The following UNC13B variants were observed in gnomAD, a reference collection of about 807,000 sequenced individuals.
UNC13B encodes unc-13 homolog B, also known as protein unc-13 homolog B.
Under a neutral mutation model 211.0 loss-of-function variants are expected in UNC13B, and 144 were observed. The observed-to-expected ratio is 0.68, with a 90% CI of 0.60 to 0.78. The LOEUF (loss-of-function observed/expected upper bound fraction) is 0.78. UNC13B is among the 30% of genes least tolerant of loss of function. The pLI, the probability that UNC13B is intolerant of heterozygous loss-of-function variation, is 0.00. For synonymous variants in UNC13B, 709 were observed against 725.8 expected, an observed-to-expected ratio of 0.98 and a Z score of 0.37; for missense variants, 1,777 against 2,002.0, an observed-to-expected ratio of 0.89 and a Z score of 2.14.
intron 3 of UNC13B, among the ~76,000 whole-genome samples, chr9:35,232,310 A>G (rs1230151187): frequency 6.7e-6 from 1 of 149,910 alleles, no homozygotes; most frequent in African/African-American, 2.5e-5. Flanking sequence ...CCTCCTGAGT[A>G]ATGGAAACTA....
At chr9:35,202,886 A>C (rs1823398811) in intron 1 of UNC13B, among the ~76,000 whole-genome samples, 1 of 148,960 alleles carries the variant, frequency 6.7e-6, no homozygotes, top group Non-Finnish European at 1.5e-5. Context: ...TCTGCCTCCC[A>C]GGTTCACGCC....
chr9:35,360,185 A>G (rs558931781), intron 11 of UNC13B, among the ~76,000 whole-genome samples: 2 of 152,314 alleles, frequency 1.3e-5, no homozygotes, highest in Admixed American at 6.5e-5. Context: ...TGGATTTTTA[A>G]TAACAACTCT....
chr9:35,389,951 T>C lies in UNC13B; in HGVS notation c.11200T>C (p.Ser3734Pro), dbSNP rs1319494357. 3 of 1,614,036 alleles carry C rather than the reference T, an allele frequency of 1.9e-6. No homozygotes were observed. Among genetic ancestry groups the C allele is most frequent in the Non-Finnish European group, 2.5e-6 (3 of 1,179,970 alleles). ...IVSIIEEDKNSYTPVLNQFPQ... is the reference protein window; with the variant it reads ...IVSIIEEDKNPYTPVLNQFPQ... ...GTCAATCATAGAGGAAGATAAGAAT[T>C]CCTACACACCTGTTCTGAACCAGTG... is the stretch of plus-strand genomic sequence containing the variant. The change falls in exon 25 of 40, where the codon TCC (serine) becomes CCC (proline). Residue 3734 changes from serine to proline, a missense_variant. Ser to Pro is a moderately conservative substitution (Grantham distance 74, BLOSUM62 -1). Coordinates refer to ENST00000635942, the MANE Select transcript of UNC13B (RefSeq NM_001371189.2).
In UNC13B at chr9:35,384,308, A is replaced by C. The variant is rs1416185999; in HGVS notation, c.10869A>C (p.Thr3623=). ...ACTCACTGAGGATCGACCTCTCTACATACAGGGTGAGTGAAGACACGGCTG... is the reference window on the plus strand; with the variant it reads ...ACTCACTGAGGATCGACCTCTCTACCTACAGGGTGAGTGAAGACACGGCTG... ...LHNSLRIDLS[T]YRNNFPAGSP... The change falls in exon 22 of 40, where the codon ACA becomes ACC. Residue 3623 remains threonine, a synonymous_variant. Coordinates refer to ENST00000635942, the MANE Select transcript of UNC13B (RefSeq NM_001371189.2). 6.2e-7 allele frequency: 1 copy of C among 1,613,752 alleles called. No homozygotes were observed. Among genetic ancestry groups the C allele is most frequent in the South Asian group, 1.1e-5 (1 of 91,048 alleles).
In UNC13B at chr9:35,304,515, C is replaced by T; in HGVS notation, c.5111C>T (p.Pro1704Leu). Residue 1704 changes from proline (P) to leucine (L), a missense_variant, in exon 9 of 40, where the codon CCT (proline) becomes CTT (leucine). Transcript: ENST00000635942. ...DQIIERDKNQ[P>L]LAEDSSVHLS... ...ATTATAGAGAGAGATAAAAACCAGC[C>T]TCTAGCTGAAGATTCATCAGTTCAC... 1 of 398,672 alleles carries T rather than the reference C, an allele frequency of 2.5e-6. No homozygotes were observed. 24.7% of individuals were successfully genotyped at this position (398,672 alleles called of 1,614,324 possible). A position where few individuals can be genotyped will look rare whatever the true frequency, so the allele number is the denominator to read the frequency against.
Position 35,173,636 on chromosome 9 carries a change from CTGGTCTCAAA to C in UNC13B, c.22+11332_22+11341del, listed in dbSNP as rs1821452222. On this transcript the variant is annotated intron_variant, in intron 1 of 39. Coordinates refer to ENST00000635942, the MANE Select transcript of UNC13B (RefSeq NM_001371189.2). ...ATGGGGTTTCACCGTGTTGCCCAGG[CTGGTCTCAAA>C]CTCTTGAGCTCATGTAATCCGCCCG... is the stretch of plus-strand genomic sequence containing the variant. 3.9e-5 allele frequency among the ~76,000 whole-genome samples: 6 copies of C among 152,174 alleles called. No individual in the cohort carries two copies. In the South Asian group the frequency reaches 1.2e-3, roughly 32 times the overall value.
At chr9:35,180,994 T>C (rs1396704813) in intron 1 of UNC13B, among the ~76,000 whole-genome samples, 9 of 151,866 alleles carry the variant, frequency 5.9e-5, no homozygotes, top group Admixed American at 2.6e-4. Flanking sequence ...CTCAGGAGGC[T>C]GACTGAGATG....
At chr9:35,183,283 T>C (rs7854347) in intron 1 of UNC13B, among the ~76,000 whole-genome samples, 77,129 of 80,616 alleles carry the variant, frequency 0.96, 36,958 homozygotes, top group East Asian at 0.98. Context: ...CCAGGCGGGG[T>C]GGCCGGGCAG....
intron 6 of UNC13B, among the ~76,000 whole-genome samples, chr9:35,248,399 T>G (rs960820010): frequency 6.6e-6 from 1 of 152,224 alleles, no homozygotes; most frequent in Non-Finnish European, 1.5e-5. Flanking sequence ...TTCTGCTAGC[T>G]TTTGAATGTG....
Position 35,162,117 on chromosome 9 carries a change from T to C in UNC13B, c.-167T>C, listed in dbSNP as rs1820808139. 9.6e-7 allele frequency: 1 copy of C among 1,042,880 alleles called. No homozygotes were observed. The highest frequency in any genetic ancestry group is 1.4e-6 in the Non-Finnish European group (1 of 713,970). The allele number at this position is 1,042,880 out of a possible 1,614,324, so 64.6% of individuals were successfully genotyped here. On this transcript the variant is annotated 5_prime_UTR_variant, in exon 1 of 40. Coordinates refer to ENST00000635942, the MANE Select transcript of UNC13B (RefSeq NM_001371189.2). ...CCGGAGTTCGCTCAGACGGTGAGATTTGGGGCGGGTCCGAGGCAGCGGCGG... is the reference window on the plus strand; with the variant it reads ...CCGGAGTTCGCTCAGACGGTGAGATCTGGGGCGGGTCCGAGGCAGCGGCGG...
At chr9:35,324,038 A>G (rs1473120429) in intron 11 of UNC13B, among the ~76,000 whole-genome samples, 1 of 152,222 alleles carries the variant, frequency 6.6e-6, no homozygotes, top group Non-Finnish European at 1.5e-5. Context: ...ATTCATAATA[A>G]TAATTCTGTG....
chr9:35,313,280 AC>A (rs1442382459), intron 10 of UNC13B, among the ~76,000 whole-genome samples: 2 of 152,216 alleles, frequency 1.3e-5, no homozygotes, highest in African/African-American at 4.8e-5. Flanking sequence ...AATTATTTTC[AC>A]ATTGAGTATT....
intron 11 of UNC13B, among the ~76,000 whole-genome samples, chr9:35,362,360 G>A (rs544238511): frequency 5.9e-5 from 9 of 152,182 alleles, no homozygotes; most frequent in African/African-American, 1.7e-4. Flanking sequence ...CTAAGCATGC[G>A]ATATCTAGGT....
intron 11 of UNC13B, chr9:35,361,815 T>C (rs1833430966): frequency 6.6e-6 from 1 of 152,152 alleles, no homozygotes; most frequent in Non-Finnish European, 1.5e-5. Context: ...ACAGAGTCAT[T>C]AGTATTTGAA....
intron 3 of UNC13B, among the ~76,000 whole-genome samples, chr9:35,232,987 G>A (rs1252167269): frequency 1.3e-5 from 2 of 152,186 alleles, no homozygotes; most frequent in Non-Finnish European, 2.9e-5. Flanking sequence ...GCTTCAAAGA[G>A]AAGGAGGCCA....
intron 37 of UNC13B, among the ~76,000 whole-genome samples, chr9:35,402,211 C>A (rs1367621495): frequency 6.6e-6 from 1 of 151,988 alleles, no homozygotes; most frequent in Non-Finnish European, 1.5e-5. Flanking sequence ...CAGCATTCTC[C>A]CACCCCTCCA....
chr9:35,257,784 AT>A (rs1564098200), intron 6 of UNC13B, among the ~76,000 whole-genome samples: 1 of 151,972 alleles, frequency 6.6e-6, no homozygotes, highest in South Asian at 2.1e-4. Context: ...AGTGTTTTGT[AT>A]TTTGGATCCC....
At chr9:35,205,168 AC>A (rs1823570572) in intron 1 of UNC13B, among the ~76,000 whole-genome samples, 1 of 151,832 alleles carries the variant, frequency 6.6e-6, no homozygotes. Flanking sequence ...ATCTCCCTTC[AC>A]CTTATACCTT....
At chr9:35,298,084 A>G (rs1829487261) in intron 8 of UNC13B, among the ~76,000 whole-genome samples, 1 of 152,154 alleles carries the variant, frequency 6.6e-6, no homozygotes, top group Non-Finnish European at 1.5e-5. Flanking sequence ...GTTAGTTTTC[A>G]AGAAATCATT....
Sources: allele counts gnomAD v4.1 joint callset (sites outside exome capture counted in the v4.1 genomes callset), GRCh38; gene constraint gnomAD v4.1.1; transcripts MANE v1.5; gene names NCBI Gene and HGNC (gene_info 2026-07-23, HGNC 2026-07-21).